The following KIAA1217 variants were observed in gnomAD, a reference collection of about 807,000 sequenced individuals.
KIAA1217 encodes sickle tail protein homolog.
In KIAA1217, 88 loss-of-function variants were observed where a neutral mutation model predicts 163.9. That is an observed-to-expected ratio of 0.54 (90% confidence interval 0.45 to 0.64). The LOEUF (loss-of-function observed/expected upper bound fraction) is 0.64, where lower values mean the gene tolerates loss of function less well. KIAA1217 is among the 30% of genes least tolerant of loss of function. The pLI is 0.00. For missense variants in KIAA1217, 2,372 were observed against 2,475.0 expected, an observed-to-expected ratio of 0.96 and a Z score of 0.88; for synonymous variants, 903 against 923.1, an observed-to-expected ratio of 0.98 and a Z score of 0.39.
chr10:24,263,021 T>C (rs1313488782), intron 2 of KIAA1217, among the ~76,000 whole-genome samples: 1 of 152,004 alleles, frequency 6.6e-6, no homozygotes, highest in African/African-American at 2.4e-5. Context: ...TCCACTCACG[T>C]ATAAAAATAT....
intron 6 of KIAA1217, among the ~76,000 whole-genome samples, chr10:24,480,458 C>A (rs1398687594): frequency 1.3e-5 from 2 of 152,182 alleles, no homozygotes; most frequent in Admixed American, 1.3e-4. Context: ...AGCCAGAGTG[C>A]CTGGGTTCAA....
At chr10:24,148,003 T>C (rs1266201231) in intron 2 of KIAA1217, among the ~76,000 whole-genome samples, 1 of 152,058 alleles carries the variant, frequency 6.6e-6, no homozygotes, top group Non-Finnish European at 1.5e-5. Flanking sequence ...TTTTAAAATA[T>C]AAGGTTAGAA....
chr10:24,268,914 A>G lies in KIAA1217; in HGVS notation c.354+49005A>G, dbSNP rs2076500657. On this transcript the variant is annotated intron_variant, in intron 2 of 20. Transcript: ENST00000376454. Reference sequence around the variant, plus strand: ...ATGAGTTCATGTCCTTTGTAGGGACATGGATGAAATTGGAAATCATCATTC... The same window carrying G: ...ATGAGTTCATGTCCTTTGTAGGGACGTGGATGAAATTGGAAATCATCATTC... 2.8e-5 allele frequency among the ~76,000 whole-genome samples: 4 copies of G among 144,802 alleles called. No individual in the cohort carries two copies. The South Asian group carries it at 9.0e-4, about 33-fold the overall frequency. The allele number at this position is 144,802 out of a possible 152,430, so 95.0% of individuals were successfully genotyped here.
intron 1 of KIAA1217, among the ~76,000 whole-genome samples, chr10:23,759,903 T>G (rs535903654): frequency 1.3e-5 from 2 of 152,304 alleles, no homozygotes; most frequent in South Asian, 4.1e-4. Context: ...GTATGAAGAG[T>G]GCATTATTTT....
At chr10:24,339,459 A>G (rs964804306) in intron 2 of KIAA1217, among the ~76,000 whole-genome samples, 1 of 152,234 alleles carries the variant, frequency 6.6e-6, no homozygotes, top group Non-Finnish European at 1.5e-5. Context: ...TCAAAGTAAC[A>G]TGTTTGAAGC....
rs201350222 is a variant in KIAA1217 at position 23,844,778 on chromosome 10, T to A, written c.-321+149544T>A. Among the ~76,000 whole-genome samples the A allele has an allele frequency of 3.2e-4, 49 of 152,132 alleles. No individual in the cohort carries two copies. The East Asian group carries it at 3.9e-3, about 12-fold the overall frequency. On this transcript the variant is annotated intron_variant, in intron 1 of 18. Transcript: ENST00000376462. Reference sequence around the variant, plus strand: ...ATTATACTTTAAGTTCTGGGGTACATGAGCAGAATGTGCAGTTTTGTTACA... The same window carrying A: ...ATTATACTTTAAGTTCTGGGGTACAAGAGCAGAATGTGCAGTTTTGTTACA...
chr10:23,995,657 G>C (rs1156703742), intron 1 of KIAA1217, among the ~76,000 whole-genome samples: 1 of 152,136 alleles, frequency 6.6e-6, no homozygotes, highest in East Asian at 1.9e-4. Flanking sequence ...CGGCAATCCA[G>C]GGACTGTCTC....
At chr10:23,766,771 C>T (rs1022624821) in intron 1 of KIAA1217, among the ~76,000 whole-genome samples, 8 of 151,652 alleles carry the variant, frequency 5.3e-5, no homozygotes, top group Non-Finnish European at 8.8e-5. Flanking sequence ...GTATTTTTAG[C>T]GGAGACGGGG....
intron 1 of KIAA1217, among the ~76,000 whole-genome samples, chr10:23,984,336 G>A (rs1845884986): frequency 6.6e-6 from 1 of 152,182 alleles, no homozygotes; most frequent in Admixed American, 6.5e-5. Context: ...AACAGTCACA[G>A]TCTCTTTCAT....
chr10:24,388,354 A>G (rs535100512), intron 3 of KIAA1217, among the ~76,000 whole-genome samples: 1 of 152,378 alleles, frequency 6.6e-6, no homozygotes, highest in African/African-American at 2.4e-5. Context: ...CTGGCTAGCC[A>G]TATGTGGAAA....
chr10:24,484,500 G>A (rs552815812), intron 6 of KIAA1217, among the ~76,000 whole-genome samples: 1 of 151,760 alleles, frequency 6.6e-6, no homozygotes, highest in South Asian at 2.1e-4. Flanking sequence ...GCCCACCTCG[G>A]CCTCCCAAAG....
At chr10:23,855,244 TA>T (rs1425776319) in intron 1 of KIAA1217, among the ~76,000 whole-genome samples, 1 of 152,218 alleles carries the variant, frequency 6.6e-6, no homozygotes, top group African/African-American at 2.4e-5. Flanking sequence ...TGCTTGTCTG[TA>T]AAGTATTTTA....
intron 1 of KIAA1217, among the ~76,000 whole-genome samples, chr10:23,984,244 T>C (rs1350919700): frequency 1.4e-4 from 21 of 152,208 alleles, no homozygotes; most frequent in Admixed American, 1.4e-3. Context: ...TTGGCAAATA[T>C]GTCCTTCCTG....
rs1201934998 is a variant in KIAA1217 at position 24,089,477 on chromosome 10, G to C, written c.-171+82103G>C. Among the ~76,000 whole-genome samples the C allele has an allele frequency of 1.6e-5, 2 of 125,876 alleles. 1 individual carries two copies. Among genetic ancestry groups the C allele is most frequent in the Admixed American group, 1.5e-4 (2 of 13,132 alleles). The allele number at this position is 125,876 out of a possible 152,430, so 82.6% of individuals were successfully genotyped here. On this transcript the variant is annotated intron_variant, in intron 2 of 18. Transcript: ENST00000376462. ...CATCTTGAATTAATTTTTGTATAAGGTGTAAGGAAGGGATCCAGTTTCAGC... is the reference window on the plus strand; with the variant it reads ...CATCTTGAATTAATTTTTGTATAAGCTGTAAGGAAGGGATCCAGTTTCAGC...
chr10:23,951,299 A>G (rs1051089414), intron 1 of KIAA1217, among the ~76,000 whole-genome samples: 1 of 152,188 alleles, frequency 6.6e-6, no homozygotes, highest in South Asian at 2.1e-4. Flanking sequence ...TAGGAACTCC[A>G]AGGTTGCTAG....
At chr10:24,381,633 A>G (rs550082631) in intron 3 of KIAA1217, among the ~76,000 whole-genome samples, 1 of 152,344 alleles carries the variant, frequency 6.6e-6, no homozygotes, top group South Asian at 2.1e-4. Flanking sequence ...CCATCCATGG[A>G]AAAACTGTCT....
chr10:23,939,445 A>G (rs1414795281), intron 1 of KIAA1217, among the ~76,000 whole-genome samples: 1 of 152,184 alleles, frequency 6.6e-6, no homozygotes, highest in African/African-American at 2.4e-5. Flanking sequence ...AGGAAACTGT[A>G]TAGCTATATT....
chr10:23,813,304 T>C lies in KIAA1217; in HGVS notation c.-321+118070T>C, dbSNP rs115300022. 3.8e-3 allele frequency among the ~76,000 whole-genome samples: 578 copies of C among 152,174 alleles called. 8 individuals are homozygous for C. Among genetic ancestry groups the C allele is most frequent in the African/African-American group, 0.013 (543 of 41,548 alleles). Reference sequence around the variant, plus strand: ...TTTATATCATTGTAATAATTCTTTATGTATTATATATAAAATTCTCTTATA... The same window carrying C: ...TTTATATCATTGTAATAATTCTTTACGTATTATATATAAAATTCTCTTATA... On this transcript the variant is annotated intron_variant, in intron 1 of 18. Coordinates refer to the KIAA1217 transcript ENST00000376462.
intron 1 of KIAA1217, among the ~76,000 whole-genome samples, chr10:23,981,356 T>A (rs1003365696): frequency 6.6e-6 from 1 of 152,222 alleles, no homozygotes; most frequent in Non-Finnish European, 1.5e-5. Context: ...CAATTTTACC[T>A]TTAGAAAGCA....
Sources: gnomAD v4.1 joint callset for allele counts (sites outside exome capture counted in the v4.1 genomes callset) on GRCh38, gnomAD v4.1.1 for gene constraint, MANE v1.5 for transcripts, NCBI Gene and HGNC (gene_info 2026-07-23, HGNC 2026-07-21) for gene names.